SHISA6: variants seen among roughly 807,000 people sequenced by gnomAD.
SHISA6 encodes the protein protein shisa-6.
In SHISA6, 22 loss-of-function variants were observed where a neutral mutation model predicts 47.9. The observed-to-expected ratio is 0.46, with a 90% CI of 0.33 to 0.66. The LOEUF is 0.66. SHISA6 is among the 30% of genes least tolerant of loss of function. The pLI is 0.02. For synonymous variants in SHISA6, 388 were observed against 337.8 expected (o/e 1.15, Z -1.63); for missense variants, 680 against 764.6 (o/e 0.89, Z 1.30).
intron 3 of SHISA6, among the ~76,000 whole-genome samples, chr17:11,538,138 A>G (rs1319596894): frequency 6.6e-6 from 1 of 152,126 alleles, no homozygotes; most frequent in South Asian, 2.1e-4. Context: ...ATCTCGGCTC[A>G]CTGCAACTTC....
At chr17:11,377,463 C>T (rs962832908) in intron 2 of SHISA6, among the ~76,000 whole-genome samples, 8 of 152,150 alleles carry the variant, frequency 5.3e-5, no homozygotes, top group East Asian at 1.9e-4. Context: ...CCCAAAACAG[C>T]GGCATCCGCA....
chr17:11,459,050 A>T (rs1401697620), intron 3 of SHISA6, among the ~76,000 whole-genome samples: 9 of 150,732 alleles, frequency 6.0e-5, no homozygotes, highest in African/African-American at 2.0e-4. Context: ...TCTCTACTAA[A>T]AAAAAAAAAT....
At chr17:11,279,775 T>C (rs1909056345) in intron 2 of SHISA6, among the ~76,000 whole-genome samples, 1 of 150,810 alleles carries the variant, frequency 6.6e-6, no homozygotes, top group South Asian at 2.1e-4. Flanking sequence ...GTAAGGTCAC[T>C]GTCACCAAGA....
chr17:11,243,121 TGTCA>T (rs1322939132), intron 1 of SHISA6, among the ~76,000 whole-genome samples: 1 of 151,740 alleles, frequency 6.6e-6, no homozygotes, highest in East Asian at 2.0e-4. Flanking sequence ...GACCACTGCT[TGTCA>T]GTCAGTCCTG....
At chr17:11,522,065 A>G (rs879843500) in intron 3 of SHISA6, among the ~76,000 whole-genome samples, 1 of 151,682 alleles carries the variant, frequency 6.6e-6, no homozygotes, top group Non-Finnish European at 1.5e-5. Context: ...TCCCAGGTTC[A>G]TGCCATCCTC....
At chr17:11,252,558 CCTTT>C (rs1178329265) in intron 1 of SHISA6, among the ~76,000 whole-genome samples, 1 of 152,186 alleles carries the variant, frequency 6.6e-6, no homozygotes, top group Non-Finnish European at 1.5e-5. Context: ...TCCATCCACT[CCTTT>C]CTAAGGTCCT....
At chr17:11,498,242 G>C (rs2071424164) in intron 3 of SHISA6, among the ~76,000 whole-genome samples, 1 of 152,192 alleles carries the variant, frequency 6.6e-6, no homozygotes, top group African/African-American at 2.4e-5. Context: ...CACTCCTGAT[G>C]TATCTTGCAC....
intron 3 of SHISA6, among the ~76,000 whole-genome samples, chr17:11,508,190 T>A (rs2071515970): frequency 6.6e-6 from 1 of 152,252 alleles, no homozygotes; most frequent in Admixed American, 6.5e-5. Flanking sequence ...GCTGTGTGAC[T>A]GTCTTAGTCA....
At chr17:11,366,216 T>A (rs1377924793) in intron 2 of SHISA6, among the ~76,000 whole-genome samples, 2 of 152,216 alleles carry the variant, frequency 1.3e-5, no homozygotes, top group African/African-American at 4.8e-5. Flanking sequence ...GACAGGATCT[T>A]GGCTCACTGC....
chr17:11,378,589 G>A (rs1004329845), intron 2 of SHISA6, among the ~76,000 whole-genome samples: 5 of 152,096 alleles, frequency 3.3e-5, no homozygotes, highest in East Asian at 1.9e-4. Context: ...TATTTCAAGC[G>A]TACTGCAAAA....
chr17:11,268,294 C>T (rs375146494), intron 2 of SHISA6, among the ~76,000 whole-genome samples: 3 of 152,248 alleles, frequency 2.0e-5, no homozygotes, highest in South Asian at 4.1e-4. Flanking sequence ...ACTCTCTAAG[C>T]TTCATGGAGA....
At chr17:11,363,001 G>T (rs887452532) in intron 2 of SHISA6, among the ~76,000 whole-genome samples, 5 of 152,136 alleles carry the variant, frequency 3.3e-5, no homozygotes, top group African/African-American at 1.2e-4. Flanking sequence ...TGCTGAAATG[G>T]ATACCCTCTG....
At chr17:11,393,049 A>G (rs1391064861) in intron 3 of SHISA6, among the ~76,000 whole-genome samples, 2 of 152,232 alleles carry the variant, frequency 1.3e-5, no homozygotes, top group African/African-American at 2.4e-5. Flanking sequence ...ATTGTTCTAC[A>G]CAAATTCTGT....
At chr17:11,261,561 A>G (rs544803965) in intron 1 of SHISA6, among the ~76,000 whole-genome samples, 2 of 152,384 alleles carry the variant, frequency 1.3e-5, no homozygotes, top group African/African-American at 4.8e-5. Flanking sequence ...ATGTTACAGA[A>G]GCATGGTCTT....
intron 2 of SHISA6, 30 bp from the exon 3 acceptor site, chr17:11,379,384 G>C (rs559664347): frequency 6.8e-7 from 1 of 1,473,668 alleles, no homozygotes; most frequent in Admixed American, 2.1e-5. Flanking sequence ...TCGTGGATGC[G>C]CCAGGTAATT....
intron 3 of SHISA6, among the ~76,000 whole-genome samples, chr17:11,446,297 A>AGGG (rs1219094765): frequency 6.6e-6 from 1 of 152,160 alleles, no homozygotes; most frequent in East Asian, 1.9e-4. Context: ...CCATGACTCT[A>AGGG]CATGTGATCA....
intron 1 of SHISA6, among the ~76,000 whole-genome samples, chr17:11,247,788 T>TC (rs1450222021): frequency 9.9e-5 from 15 of 151,332 alleles, no homozygotes; most frequent in Admixed American, 9.2e-4. Context: ...TTTTTTTTTT[T>TC]TTTTGAGATG....
At chr17:11,360,982 A>G (rs1230091506) in intron 2 of SHISA6, among the ~76,000 whole-genome samples, 2 of 146,974 alleles carry the variant, frequency 1.4e-5, no homozygotes, top group Non-Finnish European at 3.0e-5. Flanking sequence ...TTTTTCCCCC[A>G]CTGATTTGAA....
rs565097938 is a variant in SHISA6, at chr17:11,291,484, A to C, written c.799+27958A>C. Among the ~76,000 whole-genome samples, 194 of 152,018 alleles carry C rather than the reference A, an allele frequency of 1.3e-3. 1 individual carries two copies. The highest frequency in any genetic ancestry group is 2.0e-3 in the Non-Finnish European group (139 of 67,956). ...CCCCGTCTCTACTGAAAATACAAAA[A>C]TTAGCCGGGCATGGTGGCGGGCGCC... is the stretch of plus-strand genomic sequence containing the variant. On this transcript the variant is annotated intron_variant, in intron 2 of 5. Coordinates refer to ENST00000441885, the MANE Select transcript of SHISA6 (RefSeq NM_207386.4).
Sources: gnomAD v4.1 joint callset for allele counts (sites outside exome capture counted in the v4.1 genomes callset) on GRCh38, gnomAD v4.1.1 for gene constraint, MANE v1.5 for transcripts, NCBI Gene and HGNC (gene_info 2026-07-23, HGNC 2026-07-21) for gene names.